Variants in CFAP221 observed in about 807,000 individuals in gnomAD.
CFAP221 encodes the protein cilia- and flagella-associated protein 221.
CFAP221 carries 97 observed loss-of-function variants against 113.1 expected under a neutral mutation model. The ratio of observed to expected loss-of-function variants is 0.86; its 90% confidence interval spans 0.73 to 1.02. CFAP221 has a LOEUF of 1.02. Among genes scored for constraint, CFAP221 ranks in the 50% least tolerant of loss-of-function variants. The pLI, the probability that CFAP221 is intolerant of heterozygous loss-of-function variation, is 0.00. For synonymous variants in CFAP221, 331 were observed against 354.4 expected (o/e 0.93, Z 0.74); for missense variants, 1,025 against 1,013.4 (o/e 1.01, Z -0.16).
intron 19 of CFAP221, 22 bp downstream of exon 19, chr2:119,630,923 C>G (rs745416144): frequency 2.9e-5 from 47 of 1,607,910 alleles, no homozygotes; most frequent in East Asian, 4.5e-5. Flanking sequence ...CTGGCAGAAG[C>G]CTTGTTTTCT....
At chr2:119,654,649 AAAAC>A (rs1267150394) in intron 23 of CFAP221, among the ~76,000 whole-genome samples, 1 of 152,186 alleles carries the variant, frequency 6.6e-6, no homozygotes, top group Non-Finnish European at 1.5e-5. Context: ...ACTTTACAGA[AAAAC>A]AAACTAACAA....
intron 23 of CFAP221, among the ~76,000 whole-genome samples, chr2:119,655,307 T>C (rs1688364790): frequency 6.6e-6 from 1 of 152,068 alleles, no homozygotes; most frequent in Admixed American, 6.5e-5. Flanking sequence ...GACACATTTT[T>C]CAGCACTCCT....
At chr2:119,578,744 T>C (rs1682631263) in intron 6 of CFAP221, among the ~76,000 whole-genome samples, 1 of 152,234 alleles carries the variant, frequency 6.6e-6, no homozygotes. Context: ...GCATTTGTCA[T>C]GCTTGTTGTC....
intron 19 of CFAP221, chr2:119,637,983 GTTGTACTTA>G: frequency 3.7e-6 from 1 of 273,894 alleles, no homozygotes; most frequent in East Asian, 6.3e-5. Context: ...TGTGATTTCG[GTTGTACTTA>G]TTTTCATGGG....
chr2:119,643,493 T>C (rs1187815699), intron 21 of CFAP221, among the ~76,000 whole-genome samples: 2 of 152,188 alleles, frequency 1.3e-5, no homozygotes, highest in Non-Finnish European at 2.9e-5. Context: ...AGAAGAACTT[T>C]GGGAACTGTC....
At chr2:119,591,008 A>G (rs938514641) in intron 7 of CFAP221, among the ~76,000 whole-genome samples, 3 of 152,194 alleles carry the variant, frequency 2.0e-5, no homozygotes, top group Non-Finnish European at 4.4e-5. Flanking sequence ...CAGAAAACAC[A>G]TAGTGGCTAT....
chr2:119,549,019 G>T, intron 2 of CFAP221, 66 bp from the exon 3 acceptor site: 1 of 1,086,738 alleles, frequency 9.2e-7, no homozygotes, highest in Non-Finnish European at 1.3e-6. Context: ...ATGTTAATAA[G>T]GATCAACTTT....
At chr2:119,630,056 G>A (rs1213196343) in intron 17 of CFAP221, 101 bp downstream of exon 17, 8 of 1,045,268 alleles carry the variant, frequency 7.7e-6, no homozygotes, top group Admixed American at 2.1e-5. Flanking sequence ...CTTTATGGTA[G>A]ATTAGACTGT....
At chr2:119,636,946 A>G (rs1210993191) in intron 19 of CFAP221, among the ~76,000 whole-genome samples, 5 of 152,110 alleles carry the variant, frequency 3.3e-5, no homozygotes, top group East Asian at 1.9e-4. Context: ...AGGCGGCCAC[A>G]TGGCAGCTTC....
At chr2:119,607,674 AC>A (rs1200299161) in intron 11 of CFAP221, among the ~76,000 whole-genome samples, 1 of 151,316 alleles carries the variant, frequency 6.6e-6, no homozygotes, top group Non-Finnish European at 1.5e-5. Flanking sequence ...CCCACTCCCC[AC>A]CCCCTGGAGC....
At chr2:119,611,794 CTTAT>C in intron 13 of CFAP221, 52 bp downstream of exon 13, 1 of 1,366,242 alleles carries the variant, frequency 7.3e-7, no homozygotes, top group Non-Finnish European at 1.0e-6. Flanking sequence ...TCTTTAAATG[CTTAT>C]TTTTTTGAAT....
chr2:119,624,314 A>G (rs1686140014), intron 14 of CFAP221, among the ~76,000 whole-genome samples: 1 of 152,232 alleles, frequency 6.6e-6, no homozygotes, highest in African/African-American at 2.4e-5. Context: ...TCAAAACCAC[A>G]ATGAGATACC....
chr2:119,585,735 A>G (rs1440630554), intron 6 of CFAP221, among the ~76,000 whole-genome samples: 4 of 152,224 alleles, frequency 2.6e-5, no homozygotes, highest in African/African-American at 7.2e-5. Context: ...TGCTACTGAA[A>G]AAAGGGTTAT....
chr2:119,650,757 T>C (rs1688081818), intron 22 of CFAP221, among the ~76,000 whole-genome samples: 1 of 152,234 alleles, frequency 6.6e-6, no homozygotes, highest in African/African-American at 2.4e-5. Flanking sequence ...AGCGCCAGCA[T>C]AGTGATTTGC....
intron 23 of CFAP221, 152 bp downstream of exon 23, chr2:119,652,221 T>C (rs1558675633): frequency 1.8e-6 from 1 of 542,356 alleles, no homozygotes; most frequent in Non-Finnish European, 3.2e-6. Flanking sequence ...ATGTGTATTT[T>C]ATTTTAGGCA....
intron 22 of CFAP221, among the ~76,000 whole-genome samples, chr2:119,648,132 A>G (rs928550543): frequency 6.6e-6 from 1 of 152,232 alleles, no homozygotes; most frequent in African/African-American, 2.4e-5. Context: ...TGCCTCACAC[A>G]TAGTAAGGTT....
chr2:119,549,041 T>G, intron 2 of CFAP221, 44 bp from the exon 3 acceptor site: 1 of 1,267,084 alleles, frequency 7.9e-7, no homozygotes, highest in East Asian at 2.7e-5. Flanking sequence ...ATTTAATATT[T>G]TCTTTGATGT....
intron 8 of CFAP221, among the ~76,000 whole-genome samples, chr2:119,603,236 T>G (rs1684486224): frequency 1.3e-5 from 2 of 152,210 alleles, no homozygotes; most frequent in South Asian, 4.1e-4. Context: ...TTAGACCTCT[T>G]CATTTCCGTC....
chr2:119,609,306 T>A (rs941453928), intron 12 of CFAP221, among the ~76,000 whole-genome samples: 16 of 152,236 alleles, frequency 1.1e-4, no homozygotes, highest in African/African-American at 3.4e-4. Flanking sequence ...TGGTAGGACT[T>A]GCAGAATGAT....
Sources: gnomAD v4.1 joint callset for allele counts (sites outside exome capture counted in the v4.1 genomes callset) on GRCh38, gnomAD v4.1.1 for gene constraint, MANE v1.5 for transcripts, NCBI Gene and HGNC (gene_info 2026-07-23, HGNC 2026-07-21) for gene names.